Variants in DPP6 observed in about 807,000 individuals in gnomAD.
DPP6 encodes the protein dipeptidyl peptidase like 6, also known as A-type potassium channel modulatory protein DPP6.
In DPP6, 69 loss-of-function variants were observed where a neutral mutation model predicts 122.6. The observed-to-expected ratio is 0.56, with a 90% CI of 0.46 to 0.69. The LOEUF is 0.69. Ranked by LOEUF, DPP6 falls within the 30% of genes least tolerant of loss-of-function variation. The pLI is 0.00. For synonymous variants in DPP6, 418 were observed against 433.1 expected (o/e 0.97, Z 0.43); for missense variants, 928 against 1,116.9 (o/e 0.83, Z 2.41).
intron 17 of DPP6, among the ~76,000 whole-genome samples, chr7:154,858,703 G>T (rs1371809133): frequency 6.6e-6 from 1 of 152,158 alleles, no homozygotes; most frequent in Non-Finnish European, 1.5e-5. Context: ...CGAATTAAGG[G>T]CTCTGCTTCC....
intron 1 of DPP6, among the ~76,000 whole-genome samples, chr7:154,023,318 G>GGACACACA (rs1554436861): frequency 7.7e-6 from 1 of 129,528 alleles, no homozygotes; most frequent in African/African-American, 3.2e-5. Flanking sequence ...TTTCTTGTCT[G>GGACACACA]CACACACACA....
At chr7:154,061,551 GC>G (rs1209457121) in intron 1 of DPP6, among the ~76,000 whole-genome samples, 5 of 146,404 alleles carry the variant, frequency 3.4e-5, no homozygotes, top group Non-Finnish European at 6.1e-5. Flanking sequence ...GAACATAAAG[GC>G]CCCCCATTTT....
chr7:154,031,861 GT>G (rs570904091), intron 1 of DPP6, among the ~76,000 whole-genome samples: 2,365 of 120,274 alleles, frequency 0.02, 45 homozygotes, highest in African/African-American at 0.067. Flanking sequence ...CCTTTTTTTT[GT>G]TTTTTTTTTT....
rs369200067 is a variant in DPP6 at position 153,951,562 on chromosome 7, G to A, written c.51+63828G>A. ...GTCTGGATCCCTCCCCCTGGCAGTCGCCACTGACATGCTGCAGCTGCTGGA... is the reference window on the plus strand; with the variant it reads ...GTCTGGATCCCTCCCCCTGGCAGTCACCACTGACATGCTGCAGCTGCTGGA... On this transcript the variant is annotated intron_variant, in intron 1 of 25. Coordinates refer to the DPP6 transcript ENST00000404039. 2.6e-5 allele frequency among the ~76,000 whole-genome samples: 4 copies of A among 152,330 alleles called. No individual in the cohort carries two copies. The South Asian group carries it at 6.2e-4, about 24-fold the overall frequency.
intron 2 of DPP6, among the ~76,000 whole-genome samples, chr7:154,470,071 T>C (rs987725445): frequency 6.6e-6 from 1 of 152,238 alleles, no homozygotes; most frequent in African/African-American, 2.4e-5. Context: ...TTTGTAGGAA[T>C]AACATACAAA....
intron 1 of DPP6, among the ~76,000 whole-genome samples, chr7:154,091,497 T>A (rs1804835562): frequency 6.6e-6 from 1 of 152,156 alleles, no homozygotes; most frequent in Non-Finnish European, 1.5e-5. Context: ...GAAAATGTGT[T>A]CCCTAGTTTG....
intron 1 of DPP6, among the ~76,000 whole-genome samples, chr7:153,936,050 C>G (rs975258801): frequency 6.6e-6 from 1 of 152,136 alleles, no homozygotes; most frequent in Admixed American, 6.5e-5. Context: ...TAGTCCAGCA[C>G]GGGGCTGGGT....
chr7:153,989,289 CTG>C (rs1169684829), intron 1 of DPP6, among the ~76,000 whole-genome samples: 27 of 142,118 alleles, frequency 1.9e-4, no homozygotes, highest in East Asian at 8.6e-4. Context: ...GTGTGCGTGA[CTG>C]TGCAAGTGTG....
intron 1 of DPP6, among the ~76,000 whole-genome samples, chr7:154,044,854 T>C (rs1346859284): frequency 6.6e-6 from 1 of 152,176 alleles, no homozygotes; most frequent in Non-Finnish European, 1.5e-5. Context: ...GAGTCCAAAC[T>C]AGAGGCACGG....
chr7:153,782,363 C>A, the DPP6 span, among the ~76,000 whole-genome samples: 3 of 152,028 alleles, frequency 2.0e-5, no homozygotes, highest in Admixed American at 2.0e-4. Flanking sequence ...ATAACAGAAT[C>A]CATTTAGTTC....
intron 8 of DPP6, among the ~76,000 whole-genome samples, chr7:154,739,866 G>T (rs1388316861): frequency 6.6e-6 from 1 of 152,228 alleles, no homozygotes; most frequent in African/African-American, 2.4e-5. Context: ...CGGCTTCAGC[G>T]TGGCTGTGTG....
intron 7 of DPP6, among the ~76,000 whole-genome samples, chr7:154,670,023 C>A (rs982283084): frequency 1.2e-4 from 18 of 152,128 alleles, no homozygotes; most frequent in African/African-American, 4.1e-4. Flanking sequence ...CCACACCCGA[C>A]TAATTTTTGT....
chr7:153,968,456 C>A (rs1158932100), intron 1 of DPP6, among the ~76,000 whole-genome samples: 3 of 151,984 alleles, frequency 2.0e-5, no homozygotes, highest in Middle Eastern at 3.2e-3. Context: ...GGATATCAGA[C>A]CTTTTGTGAA....
chr7:154,794,626 G>A (rs1233812931), intron 11 of DPP6, among the ~76,000 whole-genome samples: 1 of 152,192 alleles, frequency 6.6e-6, no homozygotes, highest in Non-Finnish European at 1.5e-5. Flanking sequence ...CCCTCCCCAC[G>A]TCCTGGTGAG....
At chr7:154,279,469 C>T (rs1414566973) in intron 1 of DPP6, among the ~76,000 whole-genome samples, 1 of 152,204 alleles carries the variant, frequency 6.6e-6, no homozygotes, top group East Asian at 1.9e-4. Context: ...CTTTCTGAGA[C>T]AACGCCTTGG....
chr7:154,842,580 ATTTT>A (rs375031250), intron 16 of DPP6, among the ~76,000 whole-genome samples: 1 of 150,152 alleles, frequency 6.7e-6, no homozygotes, highest in Non-Finnish European at 1.5e-5. Flanking sequence ...TGGTAATCTG[ATTTT>A]TTTTTTATTT....
At chr7:153,788,954 A>AAAG in the DPP6 span, among the ~76,000 whole-genome samples, 92 of 142,478 alleles carry the variant, frequency 6.5e-4, no homozygotes, top group African/African-American at 2.5e-3. Context: ...AACATGAGCG[A>AAAG]AAGTCTGTCT....
chr7:153,918,565 AGTCTCTCTCTCTCT>A (rs1310563846), intron 1 of DPP6, among the ~76,000 whole-genome samples: 4,048 of 56,948 alleles, frequency 0.071, 72 homozygotes, highest in East Asian at 0.1. Context: ...ACACACACAC[AGTCTCTCTCTCTCT>A]CTCTCTCTCT....
chr7:153,874,354 A>G, the DPP6 span, among the ~76,000 whole-genome samples: 3 of 152,190 alleles, frequency 2.0e-5, no homozygotes, highest in African/African-American at 7.2e-5. Context: ...TTGTAAAACT[A>G]AATCATAAAA....
Sources: gnomAD v4.1 joint callset for allele counts (sites outside exome capture counted in the v4.1 genomes callset) on GRCh38, gnomAD v4.1.1 for gene constraint, MANE v1.5 for transcripts, NCBI Gene and HGNC (gene_info 2026-07-23, HGNC 2026-07-21) for gene names.